The following CCT5 variants were observed in gnomAD, a reference collection of about 807,000 sequenced individuals.
The protein encoded by CCT5 is T-complex protein 1 subunit epsilon.
Under a neutral mutation model 55.0 loss-of-function variants are expected in CCT5, and 6 were observed. The observed-to-expected ratio is 0.11, with a 90% CI of 0.06 to 0.22. The LOEUF (loss-of-function observed/expected upper bound fraction) is 0.22. Ranked by LOEUF, CCT5 falls within the 10% of genes least tolerant of loss-of-function variation. The pLI is 1.00. For missense variants in CCT5, 560 were observed against 694.6 expected (o/e 0.81, Z 2.18); for synonymous variants, 231 against 243.7 (o/e 0.95, Z 0.49).
chr5:10,254,462 A>G (rs540664122), intron 2 of CCT5: 258 of 607,116 alleles, frequency 4.2e-4, no homozygotes, highest in African/African-American at 3.6e-3. Context: ...GTCTTTTGAG[A>G]TTAACATTAT....
chr5:10,258,376 T>A lies in CCT5; in HGVS notation c.724-10T>A, dbSNP rs886422880. On this transcript the variant is annotated splice_polypyrimidine_tract_variant and intron_variant, in intron 5 of 10. Transcript: ENST00000280326. Reference sequence around the variant, plus strand: ...TCCACCAATTAAAATGTCTTTATGTTCCCCCATAGAAAGTGGAAGATGCGA... The same window carrying A: ...TCCACCAATTAAAATGTCTTTATGTACCCCCATAGAAAGTGGAAGATGCGA... 1.9e-6 allele frequency: 3 copies of A among 1,613,878 alleles called. No homozygotes were observed. In the African/African-American group the frequency reaches 4.0e-5, roughly 22 times the overall value.
intron 6 of CCT5, among the ~76,000 whole-genome samples, chr5:10,258,787 C>A (rs1288116221): frequency 6.6e-6 from 1 of 152,156 alleles, no homozygotes; most frequent in African/African-American, 2.4e-5. Context: ...ATCGTGAGAT[C>A]ATCGAGACCA....
At chr5:10,262,918 T>C (rs1044562323) in intron 9 of CCT5, among the ~76,000 whole-genome samples, 41 of 152,250 alleles carry the variant, frequency 2.7e-4, no homozygotes, top group African/African-American at 9.4e-4. Flanking sequence ...TAAGAGCTGC[T>C]GTATTTTGAG....
chr5:10,256,686 CAA>C (rs10643743), intron 4 of CCT5, among the ~76,000 whole-genome samples: 1 of 142,290 alleles, frequency 7.0e-6, no homozygotes. Context: ...GACCCTGTCT[CAA>C]AAAAAAAAAA....
At chr5:10,250,018 G>A (rs1188956214), upstream of CCT5, 2 of 1,541,422 alleles carry the variant, frequency 1.3e-6, no homozygotes, top group Non-Finnish European at 1.7e-6. Context: ...ATTCCTCCTT[G>A]GGACCCACTA....
chr5:10,254,902 T>C, intron 3 of CCT5, 64 bp downstream of exon 3: 2 of 1,379,636 alleles, frequency 1.4e-6, no homozygotes, highest in Non-Finnish European at 2.1e-6. Flanking sequence ...AGGGCTAACA[T>C]GCCTGCTGAG....
intron 10 of CCT5, 91 bp from the exon 11 acceptor site, chr5:10,264,565 T>A: frequency 2.2e-6 from 2 of 889,046 alleles, no homozygotes; most frequent in South Asian, 2.6e-5. Flanking sequence ...ATTTCTTAAG[T>A]CTTACTGTGA....
intron 9 of CCT5, 77 bp from the exon 10 acceptor site, chr5:10,263,057 T>TA: frequency 8.5e-7 from 1 of 1,181,968 alleles, no homozygotes; most frequent in Non-Finnish European, 1.3e-6. Flanking sequence ...AAGTATGTGA[T>TA]ACAGTTGTGT....
At chr5:10,253,328 C>A (rs1286664195) in intron 1 of CCT5, among the ~76,000 whole-genome samples, 89 of 147,666 alleles carry the variant, frequency 6.0e-4, no homozygotes, top group Non-Finnish European at 5.8e-4. Flanking sequence ...AAGACTGTCT[C>A]AAAAAAAAAA....
upstream of CCT5, chr5:10,249,932 AAAC>A (rs199658406): frequency 0.031 from 17,502 of 563,888 alleles, 3,007 homozygotes; most frequent in Non-Finnish European, 0.034. Flanking sequence ...AAAAAAAAAA[AAAC>A]CGGAAATGGG....
chr5:10,257,234 A>G (rs866776861), intron 4 of CCT5, among the ~76,000 whole-genome samples: 1 of 152,206 alleles, frequency 6.6e-6, no homozygotes, highest in Non-Finnish European at 1.5e-5. Flanking sequence ...GCCTTCAGCA[A>G]TGCCTGCTGT....
In CCT5 at chr5:10,254,209, A is replaced by G. The variant is rs1745563018; in HGVS notation, c.166+4A>G. On this transcript the variant is annotated splice_donor_region_variant and intron_variant, in intron 2 of 10. Transcript: ENST00000280326. ...AGAACATCACTTGGACCAAATGGTA[A>G]GAGTCCACCATTCCGTGTTTTTTAG... The G allele has an allele frequency of 6.4e-7, 1 of 1,572,058 alleles. No homozygotes were observed. Among genetic ancestry groups the G allele is most frequent in the Non-Finnish European group, 8.8e-7 (1 of 1,141,842 alleles).
intron 6 of CCT5, among the ~76,000 whole-genome samples, chr5:10,258,966 C>G (rs950163605): frequency 1.3e-5 from 2 of 152,296 alleles, no homozygotes; most frequent in Admixed American, 1.3e-4. Flanking sequence ...ACACTCCAGC[C>G]TGGGCGACAG....
intron 10 of CCT5, among the ~76,000 whole-genome samples, chr5:10,263,773 C>G (rs539966058): frequency 1.2e-4 from 18 of 152,150 alleles, no homozygotes; most frequent in African/African-American, 4.1e-4. Context: ...GATATGGTGG[C>G]TGTAGCTTGT....
intron 7 of CCT5, chr5:10,261,326 G>A: frequency 1.8e-6 from 1 of 567,100 alleles, no homozygotes; most frequent in Non-Finnish European, 3.2e-6. Flanking sequence ...TTAGGGGACG[G>A]GCGCCGGGTG....
intron 8 of CCT5, chr5:10,262,172 ATAAC>A (rs1200533362): frequency 2.2e-5 from 9 of 415,020 alleles, no homozygotes; most frequent in African/African-American, 8.1e-5. Context: ...ACCCAAGTGA[ATAAC>A]CATTGACGAT....
At chr5:10,257,184 GT>G (rs1408731892) in intron 4 of CCT5, among the ~76,000 whole-genome samples, 1 of 152,204 alleles carries the variant, frequency 6.6e-6, no homozygotes, top group Non-Finnish European at 1.5e-5. Flanking sequence ...GTCTGCTTCT[GT>G]TGCCTTTTCC....
In CCT5 at chr5:10,257,877, AAAAT is replaced by A; in HGVS notation, c.531-230_531-227del. The A allele has an allele frequency of 7.0e-6, 4 of 573,028 alleles. No homozygotes were observed. In the South Asian group the frequency reaches 8.2e-5, roughly 12 times the overall value. 35.5% of individuals were successfully genotyped at this position (573,028 alleles called of 1,614,324 possible). On this transcript the variant is annotated intron_variant, in intron 4 of 10. Transcript: ENST00000280326. Reference sequence around the variant, plus strand: ...GAAATAGTAAATTTCAGAGTTAGCGAAAATAAAGATGTAATTTTTTCCTATCTAA... The same window carrying A: ...GAAATAGTAAATTTCAGAGTTAGCGAAAAGATGTAATTTTTTCCTATCTAA...
At chr5:10,264,458 A>T (rs1746127366) in intron 10 of CCT5, 198 bp from the exon 11 acceptor site, 1 of 555,042 alleles carries the variant, frequency 1.8e-6, no homozygotes, top group Non-Finnish European at 3.2e-6. Flanking sequence ...ACCAGGTGCG[A>T]GTTCCAGAGT....
Sources: allele counts gnomAD v4.1 joint callset (sites outside exome capture counted in the v4.1 genomes callset), GRCh38; gene constraint gnomAD v4.1.1; transcripts MANE v1.5; gene names NCBI Gene and HGNC (gene_info 2026-07-23, HGNC 2026-07-21).